LINGO1: variants seen among roughly 807,000 people sequenced by gnomAD.
LINGO1 encodes the protein leucine rich repeat and Ig domain containing 1.
Under a neutral mutation model 37.3 loss-of-function variants are expected in LINGO1, and 11 were observed. That is an observed-to-expected ratio of 0.29 (90% confidence interval 0.19 to 0.49). LINGO1 has a LOEUF of 0.49. Ranked by LOEUF, LINGO1 falls within the 20% of genes least tolerant of loss-of-function variation. The pLI is 0.99. For missense variants in LINGO1, 585 were observed against 878.2 expected (o/e 0.67, Z 4.22); for synonymous variants, 387 against 403.0 (o/e 0.96, Z 0.48).
intron 1 of LINGO1, among the ~76,000 whole-genome samples, chr15:77,769,698 G>A (rs1249627785): frequency 6.6e-6 from 1 of 152,158 alleles, no homozygotes; most frequent in Non-Finnish European, 1.5e-5. Context: ...CCACTCGACA[G>A]TGCTGGACGG....
Position 77,778,333 on chromosome 15 carries a change from C to T in LINGO1, c.-257+8536G>A, listed in dbSNP as rs182492399. Among the ~76,000 whole-genome samples the T allele has an allele frequency of 1.4e-3, 208 of 152,374 alleles. 1 individual carries two copies. The highest frequency in any genetic ancestry group is 4.8e-3 in the African/African-American group (201 of 41,590). On this transcript the variant is annotated intron_variant, in intron 1 of 3. Transcript: ENST00000561686. Reference sequence around the variant, plus strand: ...CTCCCCAGCTCAAGATACTTAACCACCACTCTGCAAAGACATTTTCCACGT... The same window carrying T: ...CTCCCCAGCTCAAGATACTTAACCATCACTCTGCAAAGACATTTTCCACGT...
At chr15:77,776,640 T>G (rs1474953680) in intron 1 of LINGO1, among the ~76,000 whole-genome samples, 1 of 152,060 alleles carries the variant, frequency 6.6e-6, no homozygotes, top group African/African-American at 2.4e-5. Context: ...CCTCCATGGC[T>G]GTGCAGGAGG....
chr15:77,740,844 G>C (rs921966933), intron 1 of LINGO1, among the ~76,000 whole-genome samples: 3 of 152,234 alleles, frequency 2.0e-5, no homozygotes, highest in Admixed American at 6.5e-5. Flanking sequence ...AAGGCCAGGA[G>C]GAGAAGGAGA....
intron 2 of LINGO1, among the ~76,000 whole-genome samples, chr15:77,795,013 C>G (rs1444901202): frequency 6.6e-6 from 1 of 152,128 alleles, no homozygotes; most frequent in East Asian, 1.9e-4. Context: ...AGAAGGGAGT[C>G]CAGGCCTGCC....
At chr15:77,695,504 G>A (rs760336403) in intron 1 of LINGO1, among the ~76,000 whole-genome samples, 4 of 152,190 alleles carry the variant, frequency 2.6e-5, no homozygotes, top group East Asian at 1.9e-4. Flanking sequence ...AGTGTTCCCT[G>A]GGCTCATCCC....
At chr15:77,654,314 C>A (rs2074823333) in intron 3 of LINGO1, among the ~76,000 whole-genome samples, 1 of 152,170 alleles carries the variant, frequency 6.6e-6, no homozygotes, top group African/African-American at 2.4e-5. Flanking sequence ...TGCTCCAGTG[C>A]CACTATTTTC....
At chr15:77,773,868 C>T (rs4404036) in intron 1 of LINGO1, among the ~76,000 whole-genome samples, 114,116 of 151,960 alleles carry the variant, frequency 0.75, 45,003 homozygotes, top group Non-Finnish European at 0.87. Flanking sequence ...GTCTCTGGCC[C>T]CCCACTCTCT....
chr15:77,766,763 C>T (rs2076534311), intron 1 of LINGO1, among the ~76,000 whole-genome samples: 1 of 152,202 alleles, frequency 6.6e-6, no homozygotes, highest in Non-Finnish European at 1.5e-5. Flanking sequence ...AATTAAACCT[C>T]TTTCCTTTAC....
chr15:77,719,387 T>C (rs2076022164), intron 2 of LINGO1, among the ~76,000 whole-genome samples: 1 of 149,542 alleles, frequency 6.7e-6, no homozygotes, highest in East Asian at 2.2e-4. Context: ...GTCAACTGAG[T>C]GCCCCTCCTC....
At chr15:77,619,261 A>G (rs756503865) in intron 1 of LINGO1, among the ~76,000 whole-genome samples, 1 of 152,118 alleles carries the variant, frequency 6.6e-6, no homozygotes, top group Non-Finnish European at 1.5e-5. Flanking sequence ...ACCCCCGTGA[A>G]TGTTCTTTGA....
chr15:77,657,186 T>A (rs2141156291), intron 3 of LINGO1, among the ~76,000 whole-genome samples: 1 of 152,296 alleles, frequency 6.6e-6, no homozygotes, highest in Non-Finnish European at 1.5e-5. Flanking sequence ...TCATCCTGCC[T>A]CTTTTTCTAG....
intron 1 of LINGO1, among the ~76,000 whole-genome samples, chr15:77,776,512 G>GGCAGGAAGGCAGGAAGGCAGGAAA (rs1567577680): frequency 1.2e-4 from 10 of 82,348 alleles, no homozygotes; most frequent in African/African-American, 5.0e-4. Flanking sequence ...AAGGCAGGAA[G>GGCAGGAAGGCAGGAAGGCAGGAAA]GCAGGAAGGG....
At chr15:77,759,811 G>A (rs2076456592) in intron 1 of LINGO1, among the ~76,000 whole-genome samples, 1 of 152,230 alleles carries the variant, frequency 6.6e-6, no homozygotes, top group Admixed American at 6.5e-5. Flanking sequence ...TAATACAGCT[G>A]TTTTAATAAA....
chr15:77,776,886 C>T (rs944054658), intron 1 of LINGO1, among the ~76,000 whole-genome samples: 3 of 152,178 alleles, frequency 2.0e-5, no homozygotes, highest in Admixed American at 2.0e-4. Context: ...TTTATAGACA[C>T]GACACTGAGG....
intron 3 of LINGO1, among the ~76,000 whole-genome samples, chr15:77,664,474 G>C (rs572733057): frequency 2.6e-5 from 4 of 152,004 alleles, no homozygotes; most frequent in African/African-American, 4.8e-5. Flanking sequence ...ATCTCCTTTC[G>C]AGGCAACGTC....
chr15:77,698,220 G>A (rs561185862), upstream of LINGO1, among the ~76,000 whole-genome samples: 1 of 152,154 alleles, frequency 6.6e-6, no homozygotes, highest in Non-Finnish European at 1.5e-5. Context: ...GCGTCCCACT[G>A]AGCATCCCCC....
intron 1 of LINGO1, among the ~76,000 whole-genome samples, chr15:77,818,585 T>A (rs1381631308): frequency 2.0e-5 from 3 of 152,118 alleles, no homozygotes; most frequent in African/African-American, 7.2e-5. Context: ...AGTTCCCTTC[T>A]TCCAGCCACC....
chr15:77,699,561 C>G (rs1027925254), upstream of LINGO1, among the ~76,000 whole-genome samples: 8 of 51,828 alleles, frequency 1.5e-4, no homozygotes, highest in African/African-American at 5.9e-4. Context: ...CATCCCTGCA[C>G]ACAGTAAAGC....
intron 3 of LINGO1, among the ~76,000 whole-genome samples, chr15:77,672,877 G>T (rs1344150665): frequency 6.6e-6 from 1 of 152,094 alleles, no homozygotes; most frequent in Non-Finnish European, 1.5e-5. Context: ...CACCAACTCT[G>T]ATCAATCACC....
Sources: allele counts gnomAD v4.1 joint callset (sites outside exome capture counted in the v4.1 genomes callset), GRCh38; gene constraint gnomAD v4.1.1; transcripts MANE v1.5; gene names NCBI Gene and HGNC (gene_info 2026-07-23, HGNC 2026-07-21).